The following RASGRF2 variants were observed in gnomAD, a reference collection of about 807,000 sequenced individuals.
The protein encoded by RASGRF2 is ras-specific guanine nucleotide-releasing factor 2.
A neutral mutation model predicts 151.0 loss-of-function variants in RASGRF2; 76 were observed. That is an observed-to-expected ratio of 0.50 (90% CI 0.42 to 0.61). RASGRF2 has a LOEUF of 0.61. Ranked by LOEUF, RASGRF2 falls within the 20% of genes least tolerant of loss-of-function variation. RASGRF2 has a pLI of 0.00. For missense variants in RASGRF2, 1,148 were observed against 1,564.6 expected (o/e 0.73, Z 4.49); for synonymous variants, 504 against 566.5 (o/e 0.89, Z 1.57).
At chr5:81,187,857 T>A (rs1464546492) in intron 18 of RASGRF2, among the ~76,000 whole-genome samples, 1 of 152,218 alleles carries the variant, frequency 6.6e-6, no homozygotes, top group African/African-American at 2.4e-5. Context: ...CTAAATTTTT[T>A]TGTTGACTAT....
At chr5:81,087,708 T>G (rs977231463) in intron 9 of RASGRF2, 16 of 317,838 alleles carry the variant, frequency 5.0e-5, no homozygotes, top group Non-Finnish European at 8.7e-5. Flanking sequence ...GAGGGGAGAA[T>G]GCCCCAGGCA....
intron 1 of RASGRF2, among the ~76,000 whole-genome samples, chr5:80,981,299 T>G (rs962933572): frequency 2.0e-4 from 30 of 152,210 alleles, no homozygotes; most frequent in African/African-American, 7.2e-4. Context: ...GCTTTTGGGT[T>G]TTCAGGTCAT....
At position 81,217,355 on chromosome 5, in the gene RASGRF2, G is replaced by A; in HGVS notation, c.3435-1G>A. ...CAGAACAGTGCCTCTTGGTCTTGCA[G>A]TTGTAACCCTCCTGCAGTTCCTTAT... On this transcript the variant is annotated splice_acceptor_variant, in intron 24 of 26. Coordinates refer to ENST00000265080, the MANE Select transcript of RASGRF2 (RefSeq NM_006909.3). LOFTEE classifies it high-confidence loss of function. 1 of 1,603,758 alleles carries A rather than the reference G, an allele frequency of 6.2e-7. No individual in the cohort carries two copies. The highest frequency in any genetic ancestry group is 8.5e-7 in the Non-Finnish European group (1 of 1,176,836).
At chr5:81,199,260 C>A (rs1755334994) in intron 18 of RASGRF2, among the ~76,000 whole-genome samples, 2 of 152,198 alleles carry the variant, frequency 1.3e-5, no homozygotes, top group East Asian at 3.8e-4. Flanking sequence ...CAGTTTGTCT[C>A]TGTTGTTTAT....
rs1451146765 is a variant in RASGRF2 at position 81,226,512 on chromosome 5, G to A, written c.*742G>A. Reference sequence around the variant, plus strand: ...GGGGAGCTTTTCCTTGAGACTGTTGGTCCTAAGAAGCCAGCCCTTTTGGAG... The same window carrying A: ...GGGGAGCTTTTCCTTGAGACTGTTGATCCTAAGAAGCCAGCCCTTTTGGAG... On this transcript the variant is annotated 3_prime_UTR_variant, in exon 27 of 27. Transcript: ENST00000265080. The A allele has an allele frequency of 2.0e-5, 3 of 152,180 alleles. No individual in the cohort carries two copies. Among genetic ancestry groups the A allele is most frequent in the Non-Finnish European group, 4.4e-5 (3 of 68,054 alleles). The allele number at this position is 152,180 out of a possible 1,614,324, so 9.4% of individuals were successfully genotyped here.
At chr5:81,141,628 T>G (rs1753887654) in intron 17 of RASGRF2, among the ~76,000 whole-genome samples, 1 of 152,250 alleles carries the variant, frequency 6.6e-6, no homozygotes. Context: ...AATTTTGTTA[T>G]TAACTCTTGC....
At chr5:81,016,886 C>T (rs561909361) in intron 1 of RASGRF2, among the ~76,000 whole-genome samples, 2 of 152,170 alleles carry the variant, frequency 1.3e-5, no homozygotes, top group African/African-American at 4.8e-5. Flanking sequence ...CCTCTCTAAG[C>T]CTTTGGGAGA....
At chr5:81,130,071 G>A (rs957268441) in intron 17 of RASGRF2, among the ~76,000 whole-genome samples, 4 of 152,190 alleles carry the variant, frequency 2.6e-5, no homozygotes, top group Non-Finnish European at 5.9e-5. Flanking sequence ...TTGAAAGCCT[G>A]CTGCTTTTCT....
intron 2 of RASGRF2, among the ~76,000 whole-genome samples, chr5:81,061,934 C>A (rs1213773507): frequency 6.7e-6 from 1 of 149,536 alleles, no homozygotes; most frequent in Non-Finnish European, 1.5e-5. Flanking sequence ...AGTGATCTGC[C>A]TGCCTCAGCC....
chr5:81,186,502 T>C (rs773543594), intron 18 of RASGRF2, among the ~76,000 whole-genome samples: 97 of 152,202 alleles, frequency 6.4e-4, no homozygotes, highest in Non-Finnish European at 1.3e-3. Flanking sequence ...ATGTTTTACA[T>C]ATATGCACCC....
chr5:81,183,931 C>T (rs1425352535), intron 18 of RASGRF2, among the ~76,000 whole-genome samples: 1 of 152,236 alleles, frequency 6.6e-6, no homozygotes, highest in East Asian at 1.9e-4. Flanking sequence ...TGGCTATGGA[C>T]AGGAGAGATG....
At chr5:81,090,677 T>TATTA (rs1430425717) in intron 9 of RASGRF2, among the ~76,000 whole-genome samples, 1 of 152,152 alleles carries the variant, frequency 6.6e-6, no homozygotes, top group Non-Finnish European at 1.5e-5. Context: ...AGATTAAGCA[T>TATTA]ATTAGTGTAT....
chr5:81,203,357 T>TC (rs1004496513), intron 19 of RASGRF2, among the ~76,000 whole-genome samples: 1 of 152,156 alleles, frequency 6.6e-6, no homozygotes, highest in African/African-American at 2.4e-5. Flanking sequence ...TTGTTGCCAA[T>TC]CCCCTCAAGA....
At chr5:81,159,900 T>C (rs1754342897) in intron 17 of RASGRF2, among the ~76,000 whole-genome samples, 1 of 152,186 alleles carries the variant, frequency 6.6e-6, no homozygotes, top group South Asian at 2.1e-4. Flanking sequence ...TCTTGGAACT[T>C]TGAATTCTCT....
chr5:81,056,108 T>A (rs1362601776), intron 2 of RASGRF2, among the ~76,000 whole-genome samples: 18 of 152,286 alleles, frequency 1.2e-4, no homozygotes, highest in East Asian at 3.9e-4. Context: ...TTTGAAGGGT[T>A]TTTTATGTCT....
intron 1 of RASGRF2, among the ~76,000 whole-genome samples, chr5:80,975,608 T>C (rs1272668262): frequency 1.3e-5 from 2 of 152,322 alleles, no homozygotes; most frequent in South Asian, 2.1e-4. Context: ...CTGAACATTG[T>C]ACATTTGAAC....
intron 1 of RASGRF2, among the ~76,000 whole-genome samples, chr5:81,005,844 C>G (rs964787771): frequency 6.6e-6 from 1 of 152,172 alleles, no homozygotes; most frequent in Non-Finnish European, 1.5e-5. Flanking sequence ...TGGGCTCTGT[C>G]TGTGATAGAG....
intron 17 of RASGRF2, 148 bp from the exon 18 acceptor site, chr5:81,180,027 T>G: frequency 1.7e-6 from 1 of 575,128 alleles, no homozygotes. Context: ...TGAGCGGAAT[T>G]CACAATAGTC....
intron 4 of RASGRF2, among the ~76,000 whole-genome samples, chr5:81,072,645 A>G (rs1441242794): frequency 6.6e-6 from 1 of 152,202 alleles, no homozygotes; most frequent in East Asian, 1.9e-4. Flanking sequence ...ATTTTATTTT[A>G]ATTTCATGAA....
Sources: gnomAD v4.1 joint callset for allele counts (sites outside exome capture counted in the v4.1 genomes callset) on GRCh38, gnomAD v4.1.1 for gene constraint, MANE v1.5 for transcripts, NCBI Gene and HGNC (gene_info 2026-07-23, HGNC 2026-07-21) for gene names.